ZFAND3: variants seen among roughly 807,000 people sequenced by gnomAD.
ZFAND3 encodes zinc finger AN1-type containing 3.
In ZFAND3, 10 loss-of-function variants were observed where a neutral mutation model predicts 29.6. That is an observed-to-expected ratio of 0.34 (90% confidence interval 0.21 to 0.57). The LOEUF is 0.57. ZFAND3 is among the 20% of genes least tolerant of loss of function. ZFAND3 has a pLI of 0.86. For synonymous variants in ZFAND3, 128 were observed against 112.6 expected (o/e 1.14, Z -0.87); for missense variants, 230 against 304.5 (o/e 0.76, Z 1.82).
intron 2 of ZFAND3, among the ~76,000 whole-genome samples, chr6:37,942,142 T>C (rs1461121584): frequency 6.6e-6 from 1 of 152,192 alleles, no homozygotes; most frequent in African/African-American, 2.4e-5. Flanking sequence ...AAGTGGTTAC[T>C]GAGTAAGAGT....
At chr6:38,138,418 T>C (rs1480249835) in intron 5 of ZFAND3, among the ~76,000 whole-genome samples, 1 of 68,650 alleles carries the variant, frequency 1.5e-5, no homozygotes, top group East Asian at 4.7e-4. Context: ...CTCAGGTCAA[T>C]TTTTTTTTTT....
chr6:37,897,216 A>T (rs1196272211), intron 1 of ZFAND3, among the ~76,000 whole-genome samples: 1 of 152,168 alleles, frequency 6.6e-6, no homozygotes, highest in Admixed American at 6.5e-5. Context: ...CCTTGTCTGT[A>T]CGTAACTATT....
chr6:38,127,786 A>T (rs1441385635), intron 5 of ZFAND3, among the ~76,000 whole-genome samples: 1 of 151,884 alleles, frequency 6.6e-6, no homozygotes, highest in Admixed American at 6.6e-5. Flanking sequence ...GTGGTATTCC[A>T]TGTAGCCCCT....
chr6:37,870,920 C>T (rs141697178), intron 1 of ZFAND3, among the ~76,000 whole-genome samples: 136 of 152,202 alleles, frequency 8.9e-4, no homozygotes, highest in African/African-American at 2.9e-3. Context: ...TTGTCTTTTT[C>T]GTTGTTGACC....
At chr6:38,007,622 G>T (rs1429258835) in intron 2 of ZFAND3, among the ~76,000 whole-genome samples, 1 of 152,152 alleles carries the variant, frequency 6.6e-6, no homozygotes, top group Non-Finnish European at 1.5e-5. Flanking sequence ...TTAACTTGAA[G>T]AATAATTTAA....
chr6:38,020,196 AT>A (rs68084975), intron 2 of ZFAND3, among the ~76,000 whole-genome samples: 8,492 of 152,308 alleles, frequency 0.056, 631 homozygotes, highest in East Asian at 0.38. Flanking sequence ...TAAAATGAGA[AT>A]AATTATACCT....
chr6:38,072,751 G>C (rs1764481072), intron 3 of ZFAND3, among the ~76,000 whole-genome samples: 1 of 152,084 alleles, frequency 6.6e-6, no homozygotes, highest in African/African-American at 2.4e-5. Flanking sequence ...TGAAAATTCA[G>C]AGCTGCCAAT....
At chr6:38,058,412 C>CATTG (rs2127462474) in intron 2 of ZFAND3, among the ~76,000 whole-genome samples, 1 of 152,288 alleles carries the variant, frequency 6.6e-6, no homozygotes, top group Admixed American at 6.5e-5. Context: ...ATTTTTATTC[C>CATTG]ATTGATATAG....
intron 2 of ZFAND3, among the ~76,000 whole-genome samples, chr6:37,983,238 G>A (rs1762609795): frequency 6.6e-6 from 1 of 150,574 alleles, no homozygotes; most frequent in Non-Finnish European, 1.5e-5. Flanking sequence ...CCACAGTAAT[G>A]TGCTAGGCCT....
intron 2 of ZFAND3, among the ~76,000 whole-genome samples, chr6:37,951,737 A>C (rs1377676780): frequency 6.6e-6 from 1 of 152,136 alleles, no homozygotes; most frequent in African/African-American, 2.4e-5. Flanking sequence ...GTGTTGAATA[A>C]GAGTGCTGAG....
At chr6:37,948,299 G>A (rs551173845) in intron 2 of ZFAND3, among the ~76,000 whole-genome samples, 2 of 152,136 alleles carry the variant, frequency 1.3e-5, no homozygotes, top group South Asian at 2.1e-4. Context: ...TAAATATTTA[G>A]CATTTTTACA....
intron 1 of ZFAND3, among the ~76,000 whole-genome samples, chr6:37,887,354 A>G: frequency 6.6e-6 from 1 of 152,220 alleles, no homozygotes; most frequent in Non-Finnish European, 1.5e-5. Flanking sequence ...CTTTCTTTTT[A>G]AAAATCAAAA....
intron 4 of ZFAND3, among the ~76,000 whole-genome samples, chr6:38,098,902 T>TTTTTTG (rs917989923): frequency 5.9e-5 from 9 of 152,158 alleles, no homozygotes; most frequent in Non-Finnish European, 1.0e-4. Context: ...TTGTTTTTTG[T>TTTTTTG]TTTTTGTTTT....
intron 2 of ZFAND3, among the ~76,000 whole-genome samples, chr6:37,996,459 T>C (rs1762851322): frequency 6.6e-6 from 1 of 152,176 alleles, no homozygotes; most frequent in East Asian, 1.9e-4. Context: ...ACAGAACTAA[T>C]AGTTTAGCAG....
intron 1 of ZFAND3, among the ~76,000 whole-genome samples, chr6:37,852,467 A>G (rs1202459859): frequency 2.7e-5 from 4 of 150,748 alleles, no homozygotes; most frequent in Admixed American, 6.6e-5. Context: ...CCATAAGTCT[A>G]CCTAATCAAA....
intron 2 of ZFAND3, among the ~76,000 whole-genome samples, chr6:38,035,573 G>A (rs879449179): frequency 6.6e-6 from 1 of 152,108 alleles, no homozygotes; most frequent in Non-Finnish European, 1.5e-5. Flanking sequence ...AACTTAGGTT[G>A]CTTAATTAGC....
intron 1 of ZFAND3, among the ~76,000 whole-genome samples, chr6:37,888,884 A>C (rs1765045994): frequency 6.6e-6 from 1 of 152,218 alleles, no homozygotes; most frequent in South Asian, 2.1e-4. Flanking sequence ...TTGTAAATAC[A>C]ATAAAAATGC....
At chr6:38,106,737 G>A (rs1055028584) in intron 4 of ZFAND3, among the ~76,000 whole-genome samples, 6 of 152,096 alleles carry the variant, frequency 3.9e-5, no homozygotes, top group African/African-American at 1.4e-4. Flanking sequence ...CTGGATTGGG[G>A]CCACCTTGAG....
At chr6:37,862,929 T>G (rs1304927485) in intron 1 of ZFAND3, among the ~76,000 whole-genome samples, 1 of 151,866 alleles carries the variant, frequency 6.6e-6, no homozygotes, top group Non-Finnish European at 1.5e-5. Context: ...TTTTCTCAGA[T>G]GAAGCCTTGT....
Sources: allele counts gnomAD v4.1 joint callset (sites outside exome capture counted in the v4.1 genomes callset), GRCh38; gene constraint gnomAD v4.1.1; transcripts MANE v1.5; gene names NCBI Gene and HGNC (gene_info 2026-07-23, HGNC 2026-07-21).